CAMKMT: variants seen among roughly 807,000 people sequenced by gnomAD.
The protein encoded by CAMKMT is CaM KMT.
A neutral mutation model predicts 48.0 loss-of-function variants in CAMKMT; 53 were observed. The observed-to-expected ratio is 1.10, with a 90% confidence interval of 0.89 to 1.39. CAMKMT has a LOEUF of 1.39. Ranked by LOEUF, CAMKMT falls within the 40% of genes most tolerant of loss-of-function variation. The probability of loss-of-function intolerance (pLI) is 0.00; values close to 1 mark genes in which losing one functional copy is unlikely to be tolerated. For synonymous variants in CAMKMT, 165 were observed against 152.3 expected (o/e 1.08, Z -0.61); for missense variants, 428 against 402.7 (o/e 1.06, Z -0.54).
chr2:44,483,126 C>G (rs572111599), intron 3 of CAMKMT, among the ~76,000 whole-genome samples: 18 of 152,236 alleles, frequency 1.2e-4, no homozygotes, highest in African/African-American at 4.3e-4. Context: ...TGACATTTTC[C>G]CATTCAGGCC....
chr2:44,478,735 C>G (rs1484171420), intron 3 of CAMKMT, among the ~76,000 whole-genome samples: 3 of 138,458 alleles, frequency 2.2e-5, no homozygotes, highest in Admixed American at 1.6e-4. Flanking sequence ...GCGTCTCGCT[C>G]TGTCGCCCAG....
At chr2:44,551,156 C>T (rs1474117376) in intron 3 of CAMKMT, among the ~76,000 whole-genome samples, 2 of 152,050 alleles carry the variant, frequency 1.3e-5, no homozygotes, top group Non-Finnish European at 2.9e-5. Flanking sequence ...TTTAATGGGG[C>T]AGAAACCCAC....
At chr2:44,699,535 T>C (rs996472368) in intron 3 of CAMKMT, among the ~76,000 whole-genome samples, 3 of 152,192 alleles carry the variant, frequency 2.0e-5, no homozygotes, top group African/African-American at 7.2e-5. Context: ...TGTACTATCA[T>C]CCAGGCTTTA....
chr2:44,609,502 G>C (rs1671480147), intron 3 of CAMKMT, among the ~76,000 whole-genome samples: 1 of 152,084 alleles, frequency 6.6e-6, no homozygotes, highest in Non-Finnish European at 1.5e-5. Context: ...AAAAAATTTA[G>C]TTTATTAAGT....
intron 3 of CAMKMT, among the ~76,000 whole-genome samples, chr2:44,477,754 G>A (rs1403594495): frequency 1.3e-5 from 2 of 152,158 alleles, no homozygotes; most frequent in Admixed American, 6.5e-5. Context: ...ATGGTGCCAG[G>A]CCAGACATGT....
At chr2:44,459,139 G>A (rs1667726194) in intron 3 of CAMKMT, among the ~76,000 whole-genome samples, 1 of 151,870 alleles carries the variant, frequency 6.6e-6, no homozygotes, top group African/African-American at 2.4e-5. Flanking sequence ...ACCCTTTTCA[G>A]ATTCTCTCAG....
intron 3 of CAMKMT, among the ~76,000 whole-genome samples, chr2:44,688,434 C>T (rs1676458380): frequency 6.6e-6 from 1 of 151,496 alleles, no homozygotes; most frequent in Non-Finnish European, 1.5e-5. Flanking sequence ...GAGTCCTGGC[C>T]ATTTTGCACA....
At chr2:44,473,507 C>T (rs1176023218) in intron 3 of CAMKMT, among the ~76,000 whole-genome samples, 1 of 151,958 alleles carries the variant, frequency 6.6e-6, no homozygotes, top group African/African-American at 2.4e-5. Context: ...GTTTTATAAG[C>T]GTGGATTTAG....
At chr2:44,523,317 G>A (rs1377696510) in intron 3 of CAMKMT, among the ~76,000 whole-genome samples, 3 of 140,118 alleles carry the variant, frequency 2.1e-5, no homozygotes, top group African/African-American at 8.2e-5. Context: ...TTTGGAGACA[G>A]AGTCTCACTC....
At chr2:44,376,317 T>C (rs1679687387) in intron 2 of CAMKMT, among the ~76,000 whole-genome samples, 1 of 151,238 alleles carries the variant, frequency 6.6e-6, no homozygotes, top group South Asian at 2.1e-4. Context: ...AGTTACTCGG[T>C]GGCTAACACA....
chr2:44,757,656 C>A (rs1183188754), intron 9 of CAMKMT, among the ~76,000 whole-genome samples: 1 of 151,884 alleles, frequency 6.6e-6, no homozygotes, highest in African/African-American at 2.4e-5. Flanking sequence ...TTCCGCCTCC[C>A]AGGTTCAAGC....
chr2:44,524,168 C>A (rs907584687), intron 3 of CAMKMT, among the ~76,000 whole-genome samples: 1 of 152,114 alleles, frequency 6.6e-6, no homozygotes, highest in Non-Finnish European at 1.5e-5. Context: ...TTCCACTGAA[C>A]TCTATTGGTC....
intron 1 of CAMKMT, among the ~76,000 whole-genome samples, chr2:44,367,070 A>G (rs1388247002): frequency 6.6e-6 from 1 of 152,152 alleles, no homozygotes; most frequent in Non-Finnish European, 1.5e-5. Flanking sequence ...TTCCGCATGT[A>G]AAGGATAAGG....
At chr2:44,736,199 G>A (rs1679348192) in intron 7 of CAMKMT, among the ~76,000 whole-genome samples, 1 of 151,980 alleles carries the variant, frequency 6.6e-6, no homozygotes. Context: ...TGCAGCATAG[G>A]TCTGCTGGTG....
intron 7 of CAMKMT, among the ~76,000 whole-genome samples, chr2:44,722,552 A>G (rs1160508573): frequency 1.3e-5 from 2 of 152,180 alleles, no homozygotes; most frequent in African/African-American, 4.8e-5. Context: ...ATTCTAGATC[A>G]GAACAATTTT....
At chr2:44,470,173 G>A (rs1668339673) in intron 3 of CAMKMT, among the ~76,000 whole-genome samples, 1 of 152,050 alleles carries the variant, frequency 6.6e-6, no homozygotes, top group Admixed American at 6.6e-5. Flanking sequence ...GGAGGGTTGT[G>A]TCAATATAGC....
At chr2:44,698,891 C>G (rs1407394372) in intron 3 of CAMKMT, among the ~76,000 whole-genome samples, 1 of 152,188 alleles carries the variant, frequency 6.6e-6, no homozygotes, top group Admixed American at 6.5e-5. Context: ...ATGTAATATT[C>G]TAAATCCTTT....
chr2:44,549,633 C>T, intron 3 of CAMKMT: 1 of 623,150 alleles, frequency 1.6e-6, no homozygotes, highest in Non-Finnish European at 2.9e-6. Flanking sequence ...TCCTGAACTG[C>T]TCATATATTT....
chr2:44,518,820 A>AT (rs1489520891), intron 3 of CAMKMT, among the ~76,000 whole-genome samples: 3 of 152,216 alleles, frequency 2.0e-5, no homozygotes, highest in Non-Finnish European at 4.4e-5. Flanking sequence ...TTCATGACAC[A>AT]TGTGAGTGGG....
Sources: gnomAD v4.1 joint callset for allele counts (sites outside exome capture counted in the v4.1 genomes callset) on GRCh38, gnomAD v4.1.1 for gene constraint, MANE v1.5 for transcripts, NCBI Gene and HGNC (gene_info 2026-07-23, HGNC 2026-07-21) for gene names.